The following ZNF385B variants were observed in gnomAD, a reference collection of about 807,000 sequenced individuals.
ZNF385B encodes the protein zinc finger protein 385B, also known as zinc finger protein 533.
ZNF385B carries 23 observed loss-of-function variants against 39.2 expected under a neutral mutation model. That is an observed-to-expected ratio of 0.59 (90% CI 0.42 to 0.83). The LOEUF (loss-of-function observed/expected upper bound fraction) is 0.83. ZNF385B is among the 40% of genes least tolerant of loss of function. ZNF385B has a pLI of 0.00. For synonymous variants in ZNF385B, 205 were observed against 222.6 expected (o/e 0.92, Z 0.70); for missense variants, 552 against 598.9 (o/e 0.92, Z 0.82).
At chr2:179,493,348 CAT>C (rs1209749144) in intron 5 of ZNF385B, among the ~76,000 whole-genome samples, 1 of 147,240 alleles carries the variant, frequency 6.8e-6, no homozygotes, top group Non-Finnish European at 1.5e-5. Context: ...ATGTATATGG[CAT>C]GTATATATAT....
At chr2:179,833,075 G>C (rs1708065967) in intron 1 of ZNF385B, among the ~76,000 whole-genome samples, 1 of 152,086 alleles carries the variant, frequency 6.6e-6, no homozygotes, top group African/African-American at 2.4e-5. Context: ...GAGAAAAAGT[G>C]TGTGTATGTA....
chr2:179,561,613 G>T, intron 3 of ZNF385B, among the ~76,000 whole-genome samples: 1 of 130,094 alleles, frequency 7.7e-6, no homozygotes, highest in African/African-American at 2.8e-5. Context: ...TTTACAAATG[G>T]CAAAATTGAA....
At chr2:179,593,642 G>A (rs572841324) in intron 3 of ZNF385B, among the ~76,000 whole-genome samples, 1 of 152,214 alleles carries the variant, frequency 6.6e-6, no homozygotes, top group East Asian at 1.9e-4. Context: ...TGTCCTTATG[G>A]TTATTAACAA....
intron 3 of ZNF385B, among the ~76,000 whole-genome samples, chr2:179,679,810 T>C (rs544993513): frequency 6.6e-6 from 1 of 152,314 alleles, no homozygotes; most frequent in South Asian, 2.1e-4. Context: ...TTCTGAGACT[T>C]AACAGTTTTA....
chr2:179,493,613 GTACATATA>G (rs1559335225), intron 5 of ZNF385B, among the ~76,000 whole-genome samples: 2 of 96,790 alleles, frequency 2.1e-5, no homozygotes, highest in East Asian at 7.7e-4. Flanking sequence ...ATATATGTAC[GTACATATA>G]TGTATACGCA....
At chr2:179,787,073 GT>G (rs541736914) in intron 1 of ZNF385B, among the ~76,000 whole-genome samples, 189 of 151,584 alleles carry the variant, frequency 1.2e-3, no homozygotes, top group African/African-American at 4.3e-3. Context: ...CATGACCTTT[GT>G]TTTTTTCCCC....
chr2:179,539,540 C>T (rs1305541276), intron 4 of ZNF385B, among the ~76,000 whole-genome samples: 1 of 152,084 alleles, frequency 6.6e-6, no homozygotes, highest in South Asian at 2.1e-4. Flanking sequence ...GAAGAAGTCT[C>T]TTCTTAAGGG....
chr2:179,560,229 G>T (rs2061240455), intron 3 of ZNF385B, among the ~76,000 whole-genome samples: 1 of 152,126 alleles, frequency 6.6e-6, no homozygotes, highest in African/African-American at 2.4e-5. Flanking sequence ...CCCCCTGAAA[G>T]TAGAGCATTT....
At chr2:179,563,828 C>T (rs955491011) in intron 3 of ZNF385B, among the ~76,000 whole-genome samples, 8 of 152,092 alleles carry the variant, frequency 5.3e-5, no homozygotes, top group Non-Finnish European at 1.0e-4. Context: ...TGATAGCTCT[C>T]CCCTAAGAAA....
intron 3 of ZNF385B, among the ~76,000 whole-genome samples, chr2:179,568,518 A>G (rs1387132641): frequency 4.6e-5 from 7 of 152,230 alleles, no homozygotes; most frequent in African/African-American, 1.7e-4. Flanking sequence ...TTAGCATCAA[A>G]TAGTTTCAAG....
At chr2:179,699,822 T>C (rs1442761471) in intron 3 of ZNF385B, among the ~76,000 whole-genome samples, 1 of 152,226 alleles carries the variant, frequency 6.6e-6, no homozygotes, top group Non-Finnish European at 1.5e-5. Flanking sequence ...AAATGGTGTA[T>C]GAACAGGGAA....
chr2:179,495,000 T>C (rs752181132), intron 5 of ZNF385B, among the ~76,000 whole-genome samples: 13 of 152,230 alleles, frequency 8.5e-5, no homozygotes, highest in Non-Finnish European at 1.2e-4. Flanking sequence ...TAAAGGCGAC[T>C]TTGTCTTGCA....
intron 3 of ZNF385B, among the ~76,000 whole-genome samples, chr2:179,714,001 G>A (rs1006550375): frequency 3.3e-5 from 5 of 152,158 alleles, no homozygotes; most frequent in Non-Finnish European, 7.3e-5. Context: ...GTCAGGAAAG[G>A]TTCTAAGCAA....
intron 3 of ZNF385B, among the ~76,000 whole-genome samples, chr2:179,574,100 C>T (rs753163036): frequency 4.6e-5 from 7 of 151,928 alleles, no homozygotes; most frequent in South Asian, 2.1e-4. Flanking sequence ...TCATGAGGAA[C>T]GGGCAAATAA....
intron 3 of ZNF385B, among the ~76,000 whole-genome samples, chr2:179,710,087 G>A (rs895050104): frequency 2.6e-5 from 4 of 152,120 alleles, no homozygotes; most frequent in African/African-American, 9.7e-5. Context: ...ATGGATGAAC[G>A]GACTGTTGAT....
chr2:179,682,692 G>A (rs774533085), intron 3 of ZNF385B, among the ~76,000 whole-genome samples: 18 of 152,076 alleles, frequency 1.2e-4, no homozygotes, highest in East Asian at 7.7e-4. Flanking sequence ...ACCCTCCTCC[G>A]AGGATTGGGG....
chr2:179,643,744 G>A (rs1692470232), intron 3 of ZNF385B, among the ~76,000 whole-genome samples: 1 of 152,044 alleles, frequency 6.6e-6, no homozygotes, highest in Non-Finnish European at 1.5e-5. Context: ...CAAGGGTATA[G>A]GACAAAATAA....
At position 179,548,942 on chromosome 2, in the gene ZNF385B, C is replaced by T. The variant is rs919301025; in HGVS notation, c.299-3973G>A. Among the ~76,000 whole-genome samples the T allele has an allele frequency of 4.7e-5, 7 of 149,418 alleles. 1 individual carries two copies. The highest frequency in any genetic ancestry group is 4.0e-4 in the Admixed American group (6 of 15,026). On this transcript the variant is annotated intron_variant, in intron 3 of 9. Transcript: ENST00000410066. ...TCATGACATCTAAGGGAAACTTATC[C>T]GTTAGCAGTCACTCCCCATTTCCTC...
intron 3 of ZNF385B, among the ~76,000 whole-genome samples, chr2:179,688,578 CA>C (rs2106339034): frequency 6.6e-6 from 1 of 152,222 alleles, no homozygotes; most frequent in Admixed American, 6.5e-5. Flanking sequence ...CTTTGAGTGC[CA>C]ATGCTCTGAG....
Sources: allele counts gnomAD v4.1 joint callset (sites outside exome capture counted in the v4.1 genomes callset), GRCh38; gene constraint gnomAD v4.1.1; transcripts MANE v1.5; gene names NCBI Gene and HGNC (gene_info 2026-07-23, HGNC 2026-07-21).